PHKB: variants seen among roughly 807,000 people sequenced by gnomAD.
The protein encoded by PHKB is phosphorylase b kinase regulatory subunit beta.
In PHKB, 122 loss-of-function variants were observed where a neutral mutation model predicts 152.1. The ratio of observed to expected loss-of-function variants is 0.80; its 90% CI spans 0.69 to 0.93. The LOEUF (loss-of-function observed/expected upper bound fraction) is 0.93, where lower values mean the gene tolerates loss of function less well. PHKB is among the 40% of genes least tolerant of loss of function. The pLI is 0.00. For missense variants in PHKB, 1,304 were observed against 1,328.4 expected, an observed-to-expected ratio of 0.98 and a Z score of 0.29; for synonymous variants, 436 against 464.9, an observed-to-expected ratio of 0.94 and a Z score of 0.80.
intron 7 of PHKB, among the ~76,000 whole-genome samples, chr16:47,579,435 AC>A (rs1419660844): frequency 1.3e-5 from 2 of 152,184 alleles, no homozygotes; most frequent in Non-Finnish European, 2.9e-5. Flanking sequence ...CCCAGGTAAT[AC>A]TGAAGGTGCT....
chr16:47,652,311 A>G (rs1315533363), intron 20 of PHKB, among the ~76,000 whole-genome samples: 1 of 150,460 alleles, frequency 6.6e-6, no homozygotes, highest in Non-Finnish European at 1.5e-5. Flanking sequence ...GAGCGGTCCC[A>G]TCATCTAGGT....
intron 26 of PHKB, among the ~76,000 whole-genome samples, chr16:47,678,489 G>A (rs1222601528): frequency 6.6e-6 from 1 of 152,044 alleles, no homozygotes; most frequent in Non-Finnish European, 1.5e-5. Context: ...GTATCTCATT[G>A]TGGTTTTGAT....
At chr16:47,668,283 T>C (rs190924336) in intron 25 of PHKB, among the ~76,000 whole-genome samples, 2 of 152,328 alleles carry the variant, frequency 1.3e-5, no homozygotes, top group East Asian at 3.9e-4. Context: ...ACACGCAGAC[T>C]AACTGGTTCA....
intron 14 of PHKB, among the ~76,000 whole-genome samples, chr16:47,615,244 C>T (rs1045427363): frequency 6.6e-6 from 1 of 152,110 alleles, no homozygotes; most frequent in Non-Finnish European, 1.5e-5. Flanking sequence ...GAGCAGGGGT[C>T]GAGTAGACCT....
At chr16:47,544,325 C>A (rs1170582366) in intron 6 of PHKB, among the ~76,000 whole-genome samples, 1 of 152,152 alleles carries the variant, frequency 6.6e-6, no homozygotes, top group African/African-American at 2.4e-5. Context: ...ATCTTTATTT[C>A]TGCCTTCATT....
At position 47,665,999 on chromosome 16, in the gene PHKB, A is replaced by G. The variant is rs1457550413; in HGVS notation, c.2427+1024A>G. 6.2e-7 allele frequency: 1 copy of G among 1,613,858 alleles called. No homozygotes were observed. On this transcript the variant is annotated intron_variant, in intron 25 of 30. Coordinates refer to ENST00000323584, the MANE Select transcript of PHKB (RefSeq NM_000293.3). ...GTAAAGTAGTGGACAGCCTGGCCCCATCCATTACTAATGTTTTAGTGCAGG... is the reference window on the plus strand; with the variant it reads ...GTAAAGTAGTGGACAGCCTGGCCCCGTCCATTACTAATGTTTTAGTGCAGG...
Position 47,650,908 on chromosome 16 carries a change from T to C in PHKB, c.1958T>C (p.Val653Ala). The C allele has an allele frequency of 6.2e-7, 1 of 1,611,576 alleles. No individual in the cohort carries two copies. The highest frequency in any genetic ancestry group is 8.5e-7 in the Non-Finnish European group (1 of 1,177,644). ...KGIIGGVKVH[V>A]DRLQTLISGA... is the part of the protein sequence containing the mutation. ...ATAATTGGAGGAGTCAAAGTTCATG[T>C]GGATCGTCTACAGGTAGCCTTCTGA... The change falls in exon 20 of 31, where the codon GTG becomes GCG. Residue 653 changes from valine (V) to alanine (A), a missense_variant. Physicochemically the swap from Val to Ala is moderately conservative, Grantham distance 64 (BLOSUM62 0). Coordinates refer to ENST00000323584, the MANE Select transcript of PHKB (RefSeq NM_000293.3).
At chr16:47,685,903 G>T (rs1381110966) in intron 26 of PHKB, among the ~76,000 whole-genome samples, 2 of 151,856 alleles carry the variant, frequency 1.3e-5, no homozygotes, top group Non-Finnish European at 2.9e-5. Flanking sequence ...CACCACACCT[G>T]GCTGATTTTT....
At chr16:47,516,794 G>T (rs1471595636) in intron 6 of PHKB, among the ~76,000 whole-genome samples, 1 of 152,144 alleles carries the variant, frequency 6.6e-6, no homozygotes, top group African/African-American at 2.4e-5. Flanking sequence ...AGAAATTATG[G>T]TCGTAAGAAA....
chr16:47,589,925 C>T (rs1319763658), intron 10 of PHKB, among the ~76,000 whole-genome samples: 1 of 152,164 alleles, frequency 6.6e-6, no homozygotes, highest in Admixed American at 6.5e-5. Flanking sequence ...GCTGGGATTA[C>T]AGGCACATGC....
intron 5 of PHKB, among the ~76,000 whole-genome samples, chr16:47,512,953 ACT>A (rs1421374814): frequency 6.6e-6 from 1 of 151,948 alleles, no homozygotes; most frequent in African/African-American, 2.4e-5. Context: ...TGCAGGAAAG[ACT>A]CTTGTACTTA....
intron 16 of PHKB, among the ~76,000 whole-genome samples, chr16:47,643,510 G>T (rs982592725): frequency 3.9e-5 from 6 of 152,192 alleles, no homozygotes; most frequent in African/African-American, 1.4e-4. Context: ...GGTGTAGTGT[G>T]GCTGAAAAGA....
chr16:47,654,717 C>T (rs1336130634), intron 20 of PHKB, among the ~76,000 whole-genome samples: 5 of 151,366 alleles, frequency 3.3e-5, no homozygotes, highest in Non-Finnish European at 5.9e-5. Flanking sequence ...AAACCGAACA[C>T]CACATGTTCT....
intron 7 of PHKB, among the ~76,000 whole-genome samples, chr16:47,553,895 G>C (rs991456526): frequency 6.6e-6 from 1 of 152,138 alleles, no homozygotes; most frequent in Non-Finnish European, 1.5e-5. Context: ...ATTGCCACCT[G>C]TTTCTTCCTC....
chr16:47,616,211 T>C (rs1472223491), intron 14 of PHKB, among the ~76,000 whole-genome samples: 1 of 152,076 alleles, frequency 6.6e-6, no homozygotes, highest in African/African-American at 2.4e-5. Flanking sequence ...CTTTAGTTGC[T>C]TGTGCTTATG....
At position 47,699,300 on chromosome 16, in the gene PHKB, G is replaced by T; in HGVS notation, c.3216G>T (p.Ala1072=). 2 of 1,614,084 alleles carry T rather than the reference G, an allele frequency of 1.2e-6. No individual in the cohort carries two copies. The highest frequency in any genetic ancestry group is 2.2e-5 in the South Asian group (2 of 91,080). The change falls in exon 31 of 31, where the codon GCG becomes GCT. Residue 1072 remains alanine, a synonymous_variant. Coordinates refer to ENST00000323584, the MANE Select transcript of PHKB (RefSeq NM_000293.3). ...KRGTCSYLTK[A]VMNLLLEGEV... ...GAACATGCAGCTATTTGACAAAGGC[G>T]GTGATGAATCTGCTGCTGGAAGGAG... is the stretch of plus-strand genomic sequence containing the variant.
At chr16:47,558,792 T>G (rs1483792074) in intron 7 of PHKB, among the ~76,000 whole-genome samples, 1 of 152,204 alleles carries the variant, frequency 6.6e-6, no homozygotes, top group East Asian at 1.9e-4. Context: ...CAAGTGGTCT[T>G]GCCCACCTTG....
rs148188488 is a variant in PHKB at position 47,641,623 on chromosome 16, T to C, written c.1539T>C (p.Tyr513=). 5.6e-6 allele frequency: 9 copies of C among 1,594,972 alleles called. No homozygotes were observed. Among genetic ancestry groups the C allele is most frequent in the African/African-American group, 5.4e-5 (4 of 74,580 alleles). The change falls in exon 16 of 31, where the codon TAT becomes TAC. Residue 513 remains tyrosine (Y), a synonymous_variant. Transcript: ENST00000323584. ...GACTTCAAGTTTTTCTGAACACATA[T>C]GGTATTCAAACTCAAACTCCTCAAC... is the stretch of plus-strand genomic sequence containing the variant. ...SQRLQVFLNT[Y]GIQTQTPQQV... is the part of the protein sequence containing the mutation.
Position 47,580,061 on chromosome 16 carries a change from A to G in PHKB, c.711-234A>G, listed in dbSNP as rs1021121417. On this transcript the variant is annotated intron_variant, in intron 7 of 30. Transcript: ENST00000323584. ...AACTACTCCCATCAATAGTATGACC[A>G]TTAGTTTAGATCAAGGTGAACCTAG... Among the ~76,000 whole-genome samples the G allele has an allele frequency of 4.6e-5, 7 of 152,266 alleles. 1 individual carries two copies. The highest frequency in any genetic ancestry group is 4.6e-4 in the Admixed American group (7 of 15,302).
Sources: gnomAD v4.1 joint callset for allele counts (sites outside exome capture counted in the v4.1 genomes callset) on GRCh38, gnomAD v4.1.1 for gene constraint, MANE v1.5 for transcripts, NCBI Gene and HGNC (gene_info 2026-07-23, HGNC 2026-07-21) for gene names.